The following SCRIB variants were observed in gnomAD, a reference collection of about 807,000 sequenced individuals.
The protein encoded by SCRIB is scribble planar cell polarity protein.
SCRIB carries 72 observed loss-of-function variants against 170.0 expected under a neutral mutation model. The ratio of observed to expected loss-of-function variants is 0.42; its 90% CI spans 0.35 to 0.52. The LOEUF is 0.52. Ranked by LOEUF, SCRIB falls within the 20% of genes least tolerant of loss-of-function variation. The pLI, the probability that SCRIB is intolerant of heterozygous loss-of-function variation, is 0.02. For missense variants in SCRIB, 2,475 were observed against 2,338.5 expected, an observed-to-expected ratio of 1.06 and a Z score of -1.20; for synonymous variants, 1,298 against 1,044.3, an observed-to-expected ratio of 1.24 and a Z score of -4.68.
chr8:143,797,487 G>A (rs1377811729), intron 24 of SCRIB, among the ~76,000 whole-genome samples: 1 of 152,236 alleles, frequency 6.6e-6, no homozygotes, highest in Non-Finnish European at 1.5e-5. Flanking sequence ...GGCGAAGCTG[G>A]ATGAGAAACA....
intron 26 of SCRIB, 38 bp from the exon 27 acceptor site, chr8:143,795,150 T>C (rs374889153): frequency 4.4e-6 from 7 of 1,603,142 alleles, no homozygotes; most frequent in African/African-American, 1.3e-5. Context: ...CAGGGGTAGC[T>C]CCGTGGCAGC....
At chr8:143,814,142 T>C (rs1563809682) in intron 1 of SCRIB, 24 bp from the exon 2 acceptor site, 2 of 1,538,912 alleles carry the variant, frequency 1.3e-6, no homozygotes, top group Non-Finnish European at 1.8e-6. Context: ...GGACACGGAC[T>C]CTGTGGCAGA....
chr8:143,797,847 C>T (rs13279628), intron 24 of SCRIB, among the ~76,000 whole-genome samples: 11,595 of 152,338 alleles, frequency 0.076, 536 homozygotes, highest in Non-Finnish European at 0.1. Flanking sequence ...CCTTCCACGA[C>T]GGAGCACGTC....
intron 9 of SCRIB, 118 bp downstream of exon 9, chr8:143,812,148 A>C: frequency 1.3e-6 from 1 of 767,778 alleles, no homozygotes; most frequent in South Asian, 1.4e-5. Flanking sequence ...GCCCTTCCTG[A>C]GTGGCTCCAC....
intron 28 of SCRIB, chr8:143,793,419 G>A: frequency 3.2e-6 from 1 of 310,022 alleles, no homozygotes; most frequent in East Asian, 5.2e-5. Flanking sequence ...GGGTAGAGAG[G>A]GGGGTGGGAG....
intron 24 of SCRIB, among the ~76,000 whole-genome samples, chr8:143,799,217 A>T (rs191752948): frequency 6.6e-6 from 1 of 152,352 alleles, no homozygotes; most frequent in East Asian, 1.9e-4. Context: ...CTTTACAGAC[A>T]TATCTACAGA....
chr8:143,812,470 A>G (rs1321128603), intron 8 of SCRIB, 86 bp from the exon 9 acceptor site: 2 of 1,044,360 alleles, frequency 1.9e-6, no homozygotes, highest in African/African-American at 1.6e-5. Context: ...CTCAAGGCAG[A>G]CAGCAAGGCC....
rs573975243 is a variant in SCRIB, at chr8:143,805,882, C to T, written c.2347-447G>A. 4.6e-4 allele frequency among the ~76,000 whole-genome samples: 70 copies of T among 152,324 alleles called. 2 individuals carry two copies. Among genetic ancestry groups the T allele is most frequent in the African/African-American group, 1.6e-3 (65 of 41,578 alleles). On this transcript the variant is annotated intron_variant, in intron 18 of 36. Transcript: ENST00000356994. ...ACGCAGCATATGAGCCCTGGGCAGA[C>T]GCCTCCTGGCTGGGCTTCAGGGCCC...
chr8:143,791,479 C>G (rs1166707768), intron 35 of SCRIB, 39 bp from the exon 36 acceptor site: 1 of 1,604,170 alleles, frequency 6.2e-7, no homozygotes, highest in African/African-American at 1.3e-5. Context: ...GGTGCCAGCC[C>G]TGCCCCAAAC....
chr8:143,801,479 G>C (rs1445445897), intron 24 of SCRIB, among the ~76,000 whole-genome samples: 1 of 152,170 alleles, frequency 6.6e-6, no homozygotes, highest in African/African-American at 2.4e-5. Flanking sequence ...GAATCCAGAA[G>C]TCATAAAGAA....
chr8:143,803,977 C>G (rs377365371), intron 22 of SCRIB, 37 bp from the exon 23 acceptor site: 9 of 1,572,356 alleles, frequency 5.7e-6, no homozygotes, highest in Non-Finnish European at 7.8e-6. Flanking sequence ...TGGCTGAGGC[C>G]GCGCTGACCT....
In SCRIB at chr8:143,792,367, G is replaced by A; in HGVS notation, c.4367C>T (p.Ala1456Val). The change falls in exon 32 of 37, where the codon GCC becomes GTC. Residue 1456 changes from alanine (A) to valine (V), a missense_variant. Physicochemically the swap from Ala to Val is moderately conservative, Grantham distance 64 (BLOSUM62 0). Transcript: ENST00000356994. ...PASPPPLGGG[A>V]PVRTAKAERR... ...TTCAGCTTTGGCCGTCCGCACCGGG[G>A]CGCCACCTCCCAGGGGTGGGGGGGA... The A allele has an allele frequency of 6.5e-7, 1 of 1,528,802 alleles. No individual in the cohort carries two copies. Among genetic ancestry groups the A allele is most frequent in the Non-Finnish European group, 8.7e-7 (1 of 1,143,304 alleles). 94.7% of individuals were successfully genotyped at this position (1,528,802 alleles called of 1,614,324 possible).
intron 21 of SCRIB, 80 bp from the exon 22 acceptor site, chr8:143,804,236 C>A (rs529671289): frequency 1.8e-6 from 2 of 1,091,558 alleles, no homozygotes; most frequent in Admixed American, 5.5e-5. Flanking sequence ...GAGTCCGTCC[C>A]GGTCCTTGGG....
intron 34 of SCRIB, 51 bp downstream of exon 34, chr8:143,791,825 C>CG: frequency 6.6e-7 from 1 of 1,506,240 alleles, no homozygotes; most frequent in Non-Finnish European, 9.0e-7. Flanking sequence ...AGGCCAGACC[C>CG]CACCCCCATG....
chr8:143,808,844 G>A lies in SCRIB; in HGVS notation c.1880C>T (p.Ala627Val), dbSNP rs1554637305. Reference protein sequence around the residue: ...SKLPQPEAVVALLQGMQPDGE... With the variant: ...SKLPQPEAVVVLLQGMQPDGE... ...ATCAGGCTGCATGCCCTGCAGCAGAGCCACAACGGCCTCGGGCTGGGGCAG... is the reference window on the plus strand; with the variant it reads ...ATCAGGCTGCATGCCCTGCAGCAGAACCACAACGGCCTCGGGCTGGGGCAG... Residue 627 changes from alanine (A) to valine (V), a missense_variant, in exon 15 of 37, where the codon GCT becomes GTT. This residue lies in a region of SCRIB where 1,966 missense variants were observed against 1,742.9 expected (regional missense o/e 1.13). Coordinates refer to ENST00000356994, the MANE Select transcript of SCRIB (RefSeq NM_182706.5). 1.2e-6 allele frequency: 2 copies of A among 1,611,004 alleles called. No homozygotes were observed. The highest frequency in any genetic ancestry group is 1.3e-5 in the African/African-American group (1 of 74,954).
chr8:143,806,178 CAG>C (rs782775321), intron 18 of SCRIB, among the ~76,000 whole-genome samples: 2 of 152,180 alleles, frequency 1.3e-5, no homozygotes, highest in Non-Finnish European at 2.9e-5. Context: ...GATGAGCAAT[CAG>C]GGCGCTGGAT....
At position 143,809,710 on chromosome 8, in the gene SCRIB, C is replaced by T; in HGVS notation, c.1539G>A (p.Arg513=). 6.2e-7 allele frequency: 1 copy of T among 1,608,374 alleles called. No homozygotes were observed. Among genetic ancestry groups the T allele is most frequent in the East Asian group, 2.2e-5 (1 of 44,842 alleles). Residue 513 remains arginine (R), a synonymous_variant, in exon 14 of 37, where the codon CGG becomes CGA. Transcript: ENST00000356994. ...CACTCAGGCCAGACTCGGCACTCAGCCGCTTCTCCTGCGGCGGGAAGTGGG... is the reference window on the plus strand; with the variant it reads ...CACTCAGGCCAGACTCGGCACTCAGTCGCTTCTCCTGCGGCGGGAAGTGGG... The part of the protein sequence containing the change: ...GSPLPAEEEK[R]LSAESGLSED...
At chr8:143,798,196 C>T (rs1554634369) in intron 24 of SCRIB, among the ~76,000 whole-genome samples, 1 of 151,300 alleles carries the variant, frequency 6.6e-6, no homozygotes, top group African/African-American at 2.4e-5. Flanking sequence ...GTGGAGGTTG[C>T]AATGAGCTGA....
chr8:143,800,271 C>T (rs1056052702), intron 24 of SCRIB, among the ~76,000 whole-genome samples: 19 of 152,220 alleles, frequency 1.2e-4, no homozygotes, highest in Non-Finnish European at 2.2e-4. Flanking sequence ...ACTCAACACC[C>T]GCTTCAGATA....
Sources: gnomAD v4.1 joint callset for allele counts (sites outside exome capture counted in the v4.1 genomes callset) on GRCh38, gnomAD v4.1.1 for gene constraint, gnomAD v4.1.1 regional missense constraint, MANE v1.5 for transcripts, NCBI Gene and HGNC (gene_info 2026-07-23, HGNC 2026-07-21) for gene names.